The following CD6 variants were observed in gnomAD, a reference collection of about 807,000 sequenced individuals.
CD6 encodes the protein T-cell differentiation antigen CD6.
In CD6, 53 loss-of-function variants were observed where a neutral mutation model predicts 75.3. The observed-to-expected ratio is 0.70, with a 90% CI of 0.56 to 0.88. The LOEUF (loss-of-function observed/expected upper bound fraction) is 0.88, where lower values mean the gene tolerates loss of function less well. Among genes scored for constraint, CD6 ranks in the 40% least tolerant of loss-of-function variants. The pLI is 0.00. For synonymous variants in CD6, 359 were observed against 381.5 expected, an observed-to-expected ratio of 0.94 and a Z score of 0.69; for missense variants, 770 against 897.1, an observed-to-expected ratio of 0.86 and a Z score of 1.81.
intron 1 of CD6, among the ~76,000 whole-genome samples, chr11:60,996,528 C>G (rs953309387): frequency 1.1e-4 from 17 of 152,260 alleles, no homozygotes; most frequent in Non-Finnish European, 1.5e-5. Context: ...TACCTGGAGT[C>G]TGAGCCAGGG....
chr11:61,000,700 C>T (rs1858538606), intron 1 of CD6, among the ~76,000 whole-genome samples: 1 of 152,212 alleles, frequency 6.6e-6, no homozygotes, highest in South Asian at 2.1e-4. Flanking sequence ...CTCTCAGATG[C>T]CCATGGGACA....
At chr11:61,008,879 A>G in intron 4 of CD6, 34 bp downstream of exon 4, 3 of 1,479,794 alleles carry the variant, frequency 2.0e-6, no homozygotes, top group Non-Finnish European at 2.7e-6. Flanking sequence ...CCCGGTCACT[A>G]CCAACACTCA....
At chr11:61,000,467 G>A (rs555199100) in intron 1 of CD6, among the ~76,000 whole-genome samples, 1 of 152,278 alleles carries the variant, frequency 6.6e-6, no homozygotes, top group Admixed American at 6.5e-5. Context: ...CGAGCATTCA[G>A]GATGCAACCG....
At chr11:60,994,275 T>G (rs1032507862) in intron 1 of CD6, among the ~76,000 whole-genome samples, 10 of 151,796 alleles carry the variant, frequency 6.6e-5, no homozygotes, top group Admixed American at 1.3e-4. Context: ...ACCCTGTCTC[T>G]AGTAAAATAC....
intron 1 of CD6, among the ~76,000 whole-genome samples, chr11:60,979,895 C>G (rs2135009583): frequency 6.6e-6 from 1 of 152,316 alleles, no homozygotes; most frequent in South Asian, 2.1e-4. Context: ...CACACCAGCA[C>G]CACCCCGGGA....
intron 2 of CD6, 99 bp downstream of exon 2, chr11:61,006,741 G>C: frequency 1.0e-6 from 1 of 964,062 alleles, no homozygotes; most frequent in Non-Finnish European, 1.6e-6. Context: ...TACCAGGGAG[G>C]CTCCCTGACT....
intron 6 of CD6, 119 bp from the exon 7 acceptor site, chr11:61,013,304 A>T: frequency 8.4e-7 from 1 of 1,188,586 alleles, no homozygotes; most frequent in Non-Finnish European, 1.2e-6. Context: ...TGGAAAAAGG[A>T]AGCAAGGAGG....
chr11:60,989,062 C>A (rs1380740160), intron 1 of CD6, among the ~76,000 whole-genome samples: 2 of 152,256 alleles, frequency 1.3e-5, no homozygotes, highest in South Asian at 2.1e-4. Context: ...GGTGTTTGCT[C>A]GAGCTGTGCC....
In CD6 at chr11:61,019,869, G is replaced by A. The variant is rs746796547; in HGVS notation, c.*551G>A. 33 of 305,288 alleles carry A rather than the reference G, an allele frequency of 1.1e-4. No individual in the cohort carries two copies. The highest frequency in any genetic ancestry group is 1.6e-4 in the South Asian group (1 of 6,204). The allele number at this position is 305,288 out of a possible 1,614,324, so 18.9% of individuals were successfully genotyped here. On this transcript the variant is annotated 3_prime_UTR_variant, in exon 13 of 13. Transcript: ENST00000313421. The stretch of plus-strand genomic sequence containing the variant: ...CACCAGCTGTCCCAGGCTTTGCTCC[G>A]GGCGGTAACTGCACTTGGGCAGGGA...
At position 60,971,912 on chromosome 11, in the gene CD6, C is replaced by T; in HGVS notation, c.47C>T (p.Ser16Leu). ...GITGLLTAAL[S>L]GHPSPAPPDQ... ...ACTGGATTGCTGACGGCAGCCCTCTCAGGTAGGCCCCCTTCCCTCATCTCC... is the reference window on the plus strand; with the variant it reads ...ACTGGATTGCTGACGGCAGCCCTCTTAGGTAGGCCCCCTTCCCTCATCTCC... The change falls in exon 1 of 13, where the codon TCA becomes TTA. Residue 16 changes from serine (S) to leucine (L), a missense_variant and splice_region_variant. Physicochemically the swap from Ser to Leu is moderately radical, Grantham distance 145. Coordinates refer to ENST00000313421, the MANE Select transcript of CD6 (RefSeq NM_006725.5). 6.2e-7 allele frequency: 1 copy of T among 1,613,924 alleles called. No homozygotes were observed. The highest frequency in any genetic ancestry group is 8.5e-7 in the Non-Finnish European group (1 of 1,179,940).
chr11:61,006,509 G>C, intron 1 of CD6, 65 bp from the exon 2 acceptor site: 3 of 1,348,156 alleles, frequency 2.2e-6, no homozygotes, highest in Non-Finnish European at 1.0e-6. Flanking sequence ...CTGCTCATCA[G>C]GGTGTCTCTG....
In CD6 at chr11:61,007,503, T is replaced by C. The variant is rs1858916856; in HGVS notation, c.119-57T>C. The C allele has an allele frequency of 7.7e-7, 1 of 1,301,740 alleles. No individual in the cohort carries two copies. Among genetic ancestry groups the C allele is most frequent in the Admixed American group, 3.8e-5 (1 of 26,242 alleles). 80.6% of individuals were successfully genotyped at this position (1,301,740 alleles called of 1,614,324 possible). On this transcript the variant is annotated intron_variant, in intron 2 of 12. Transcript: ENST00000313421. The surrounding 1 kb of genome is among the most constrained non-coding windows in gnomAD (Gnocchi z 4.2). Reference sequence around the variant, plus strand: ...CACGCACAGAGTCAGTGGCAGAGCCTGGGCAACCCTCTGCCCAGGCCCCAC... The same window carrying C: ...CACGCACAGAGTCAGTGGCAGAGCCCGGGCAACCCTCTGCCCAGGCCCCAC...
chr11:61,001,045 G>A (rs1858563692), intron 1 of CD6, among the ~76,000 whole-genome samples: 1 of 152,090 alleles, frequency 6.6e-6, no homozygotes, highest in African/African-American at 2.4e-5. Context: ...AACTAGAGAT[G>A]ATTTTCAGGG....
intron 12 of CD6, 66 bp downstream of exon 12, chr11:61,018,459 G>A: frequency 9.5e-7 from 1 of 1,050,964 alleles, no homozygotes; most frequent in East Asian, 2.6e-5. Context: ...AATGAGTGGG[G>A]AACTATTGGA....
chr11:60,998,834 GAAC>G (rs1858429321), intron 1 of CD6, among the ~76,000 whole-genome samples: 1 of 101,084 alleles, frequency 9.9e-6, no homozygotes, highest in Non-Finnish European at 1.9e-5. Flanking sequence ...GAAAAAATTA[GAAC>G]AACACAAGGC....
At chr11:60,983,895 G>A (rs1565143848) in intron 1 of CD6, among the ~76,000 whole-genome samples, 1 of 152,100 alleles carries the variant, frequency 6.6e-6, no homozygotes, top group Non-Finnish European at 1.5e-5. Context: ...TTGAAGCATA[G>A]AGCAGTTATT....
chr11:60,980,625 C>G (rs1857524660), intron 1 of CD6, among the ~76,000 whole-genome samples: 1 of 152,144 alleles, frequency 6.6e-6, no homozygotes, highest in South Asian at 2.1e-4. Context: ...GGTCAGGAGT[C>G]CGAGACCAGC....
At chr11:61,003,004 G>T (rs543591342) in intron 1 of CD6, among the ~76,000 whole-genome samples, 1 of 147,512 alleles carries the variant, frequency 6.8e-6, no homozygotes, top group African/African-American at 2.4e-5. Flanking sequence ...TCGCTCTGTT[G>T]GCCAGGCTGG....
intron 1 of CD6, among the ~76,000 whole-genome samples, chr11:60,990,806 A>AGGCTGAGG (rs1565147498): frequency 1.8e-4 from 18 of 100,010 alleles, no homozygotes; most frequent in South Asian, 4.8e-4. Context: ...ACCCTACTGG[A>AGGCTGAGG]CATATTGTTC....
Sources: gnomAD v4.1 joint callset for allele counts (sites outside exome capture counted in the v4.1 genomes callset) on GRCh38, gnomAD v4.1.1 for gene constraint, Gnocchi (gnomAD v3.1) non-coding constraint, MANE v1.5 for transcripts, NCBI Gene and HGNC (gene_info 2026-07-23, HGNC 2026-07-21) for gene names.